Variants in EYS observed in about 807,000 individuals in gnomAD.
EYS encodes the protein EGF-like photoreceptor maintenance factor.
A neutral mutation model predicts 282.1 loss-of-function variants in EYS; 250 were observed. The observed-to-expected ratio is 0.89, with a 90% CI of 0.80 to 0.98. EYS has a LOEUF of 0.98. Among genes scored for constraint, EYS ranks in the 50% least tolerant of loss-of-function variants. The pLI is 0.00. For synonymous variants in EYS, 1,355 were observed against 1,282.9 expected (o/e 1.06, Z -1.20); for missense variants, 4,016 against 3,709.0 (o/e 1.08, Z -2.15).
At chr6:65,422,043 T>C (rs1767486356) in intron 5 of EYS, among the ~76,000 whole-genome samples, 1 of 151,940 alleles carries the variant, frequency 6.6e-6, no homozygotes, top group Non-Finnish European at 1.5e-5. Flanking sequence ...CTGGTGCTGA[T>C]AGATCGGCTT....
At chr6:65,580,482 T>C (rs1327302722) in intron 2 of EYS, among the ~76,000 whole-genome samples, 1 of 152,048 alleles carries the variant, frequency 6.6e-6, no homozygotes, top group Non-Finnish European at 1.5e-5. Flanking sequence ...TTTAGGACAA[T>C]AAATGTAAGA....
intron 12 of EYS, among the ~76,000 whole-genome samples, chr6:65,246,491 A>G (rs188793583): frequency 6.6e-6 from 1 of 152,240 alleles, no homozygotes; most frequent in East Asian, 1.9e-4. Flanking sequence ...TTAGATTTCA[A>G]TTTAATTTTC....
At chr6:64,850,286 C>G (rs945236036) in intron 19 of EYS, among the ~76,000 whole-genome samples, 1 of 152,084 alleles carries the variant, frequency 6.6e-6, no homozygotes, top group African/African-American at 2.4e-5. Flanking sequence ...TTTCCCCCAG[C>G]CTTTGAAGTC....
At chr6:65,206,454 G>A (rs1766037016) in intron 12 of EYS, among the ~76,000 whole-genome samples, 1 of 151,514 alleles carries the variant, frequency 6.6e-6, no homozygotes, top group Non-Finnish European at 1.5e-5. Context: ...TTTACCAGAT[G>A]CACAAACAAG....
At chr6:64,080,796 C>A (rs976119501) in intron 32 of EYS, among the ~76,000 whole-genome samples, 7 of 151,924 alleles carry the variant, frequency 4.6e-5, no homozygotes, top group Non-Finnish European at 7.4e-5. Flanking sequence ...TTTCCCAGCA[C>A]CATTTATTAA....
chr6:64,257,516 A>G (rs1767439582), intron 30 of EYS, among the ~76,000 whole-genome samples: 1 of 152,000 alleles, frequency 6.6e-6, no homozygotes, highest in African/African-American at 2.4e-5. Flanking sequence ...AGAATTATCT[A>G]TTTGTATCTG....
chr6:65,340,840 A>G (rs1321437509), intron 10 of EYS, among the ~76,000 whole-genome samples: 1 of 151,060 alleles, frequency 6.6e-6, no homozygotes. Context: ...GAATAAATCC[A>G]AAGTTTCACA....
chr6:65,665,827 G>A (rs1434972840), intron 1 of EYS, among the ~76,000 whole-genome samples: 1 of 151,890 alleles, frequency 6.6e-6, no homozygotes, highest in Non-Finnish European at 1.5e-5. Context: ...AGATAAGTAT[G>A]GATAAACTTT....
At chr6:63,946,686 T>A (rs960740570) in intron 35 of EYS, among the ~76,000 whole-genome samples, 1 of 151,886 alleles carries the variant, frequency 6.6e-6, no homozygotes, top group East Asian at 1.9e-4. Flanking sequence ...TTGAATAAAG[T>A]TTTGTATGAA....
At chr6:64,230,519 A>AC in intron 31 of EYS, 73 bp downstream of exon 31, 5 of 1,047,498 alleles carry the variant, frequency 4.8e-6, no homozygotes, top group Non-Finnish European at 7.0e-6. Flanking sequence ...AGTTTACAAT[A>AC]CATTTCAACT....
chr6:63,988,517 ATGT>A (rs967604356), intron 34 of EYS, among the ~76,000 whole-genome samples: 15 of 151,682 alleles, frequency 9.9e-5, no homozygotes, highest in African/African-American at 3.6e-4. Flanking sequence ...AAAAAAGCAG[ATGT>A]TGTTGGCTGC....
At chr6:65,336,225 A>G (rs987927646) in intron 10 of EYS, among the ~76,000 whole-genome samples, 2 of 151,782 alleles carry the variant, frequency 1.3e-5, no homozygotes, top group Non-Finnish European at 2.9e-5. Flanking sequence ...GCGAACTGAT[A>G]TCACAAATAA....
intron 12 of EYS, among the ~76,000 whole-genome samples, chr6:65,123,580 T>C (rs939958191): frequency 6.6e-6 from 1 of 152,044 alleles, no homozygotes; most frequent in Non-Finnish European, 1.5e-5. Flanking sequence ...ATAATTGCAA[T>C]TGAGGAAGGA....
At chr6:63,960,138 G>A (rs1765995701) in intron 35 of EYS, among the ~76,000 whole-genome samples, 1 of 152,102 alleles carries the variant, frequency 6.6e-6, no homozygotes, top group Non-Finnish European at 1.5e-5. Flanking sequence ...CACCATTCTA[G>A]ATGCATTAAG....
At chr6:64,794,364 G>A (rs1322848496) in intron 22 of EYS, among the ~76,000 whole-genome samples, 1 of 152,104 alleles carries the variant, frequency 6.6e-6, no homozygotes, top group Non-Finnish European at 1.5e-5. Flanking sequence ...TTGGTGAGGG[G>A]CTTGGTGGGA....
At chr6:64,272,074 G>A (rs1308520569) in intron 30 of EYS, among the ~76,000 whole-genome samples, 1 of 151,982 alleles carries the variant, frequency 6.6e-6, no homozygotes, top group Non-Finnish European at 1.5e-5. Flanking sequence ...TATTATCTAG[G>A]AAGGCAATTC....
chr6:65,221,804 A>AG (rs1297677160), intron 12 of EYS, among the ~76,000 whole-genome samples: 10 of 152,178 alleles, frequency 6.6e-5, no homozygotes, highest in African/African-American at 2.2e-4. Flanking sequence ...AGCAGCTTGG[A>AG]GGGGGGCTGT....
intron 35 of EYS, among the ~76,000 whole-genome samples, chr6:63,898,866 A>G (rs1446475010): frequency 6.6e-6 from 1 of 152,242 alleles, no homozygotes; most frequent in Non-Finnish European, 1.5e-5. Context: ...TAAATAGACT[A>G]GTCAGATTAA....
chr6:65,004,301 T>C (rs1771566034), intron 13 of EYS, among the ~76,000 whole-genome samples: 1 of 147,712 alleles, frequency 6.8e-6, no homozygotes, highest in African/African-American at 2.4e-5. Flanking sequence ...TTGTCAGAAA[T>C]TGGGGGTACT....
Sources: gnomAD v4.1 joint callset for allele counts (sites outside exome capture counted in the v4.1 genomes callset) on GRCh38, gnomAD v4.1.1 for gene constraint, MANE v1.5 for transcripts, NCBI Gene and HGNC (gene_info 2026-07-23, HGNC 2026-07-21) for gene names.